BBS4: variants seen among roughly 807,000 people sequenced by gnomAD.
BBS4 encodes the protein BBSome complex member BBS4.
A neutral mutation model predicts 71.4 loss-of-function variants in BBS4; 58 were observed. That is an observed-to-expected ratio of 0.81 (90% confidence interval 0.66 to 1.01). The LOEUF (loss-of-function observed/expected upper bound fraction) is 1.01, where lower values mean the gene tolerates loss of function less well. Among genes scored for constraint, BBS4 ranks in the 50% least tolerant of loss-of-function variants. The pLI, the probability that BBS4 is intolerant of heterozygous loss-of-function variation, is 0.00. For synonymous variants in BBS4, 228 were observed against 216.8 expected, an observed-to-expected ratio of 1.05 and a Z score of -0.46; for missense variants, 660 against 607.9, an observed-to-expected ratio of 1.09 and a Z score of -0.90.
At chr15:72,735,596 G>T in intron 13 of BBS4, 1 of 617,312 alleles carries the variant, frequency 1.6e-6, no homozygotes. Context: ...GGTAGTCTCT[G>T]TTGAGGGCTG....
chr15:72,696,384 C>A (rs745984142), intron 2 of BBS4, among the ~76,000 whole-genome samples: 1 of 152,078 alleles, frequency 6.6e-6, no homozygotes. Flanking sequence ...GTAAAATTCC[C>A]TTTTTTTAGT....
At chr15:72,700,798 A>G (rs2065156595) in intron 2 of BBS4, among the ~76,000 whole-genome samples, 1 of 151,902 alleles carries the variant, frequency 6.6e-6, no homozygotes, top group Non-Finnish European at 1.5e-5. Flanking sequence ...ATTTACTATT[A>G]TTTTTCTTTT....
At chr15:72,694,238 C>CG (rs1448952612) in intron 1 of BBS4, among the ~76,000 whole-genome samples, 2 of 146,728 alleles carry the variant, frequency 1.4e-5, no homozygotes, top group South Asian at 2.2e-4. Context: ...TTGCCCAGGC[C>CG]GGGGGGCGAT....
rs1403453278 is a variant in BBS4, at chr15:72,737,636, C to T, written c.*49C>T. The T allele has an allele frequency of 1.4e-6, 2 of 1,426,452 alleles. No homozygotes were observed. Among genetic ancestry groups the T allele is most frequent in the Non-Finnish European group, 1.9e-6 (2 of 1,034,742 alleles). The allele number at this position is 1,426,452 out of a possible 1,614,324, so 88.4% of individuals were successfully genotyped here. A position where few individuals can be genotyped will look rare whatever the true frequency, so the allele number is the denominator to read the frequency against. ...TAGGGTTTTCTTGGGCGAGGATGTG[C>T]TGGATTAGGAAAGGTGACATGACAC... On this transcript the variant is annotated 3_prime_UTR_variant, in exon 16 of 16. Coordinates refer to ENST00000268057, the MANE Select transcript of BBS4 (RefSeq NM_033028.5).
Position 72,695,227 on chromosome 15 carries a change from A to T in BBS4, c.75A>T (p.Lys25Asn). Residue 25 changes from lysine to asparagine, a missense_variant and splice_region_variant, in exon 2 of 16, where the codon AAA (lysine) becomes AAT (asparagine). Transcript: ENST00000268057. Reference sequence around the variant, plus strand: ...AGTCTCAAAAACCCCGGCAGAAAAAAGGTCTGTATGCAGTTTCATGGTATG... The same window carrying T: ...AGTCTCAAAAACCCCGGCAGAAAAATGGTCTGTATGCAGTTTCATGGTATG... ...STESQKPRQK[K>N]APEFPILEKQ... is the part of the protein sequence containing the mutation. 1 of 1,590,566 alleles carries T rather than the reference A, an allele frequency of 6.3e-7. No individual in the cohort carries two copies. The highest frequency in any genetic ancestry group is 1.1e-5 in the South Asian group (1 of 90,504).
Position 72,735,175 on chromosome 15 carries a change from C to G in BBS4, c.1099C>G (p.Leu367Val), listed in dbSNP as rs1473835828. The G allele has an allele frequency of 6.2e-7, 1 of 1,613,306 alleles. No individual in the cohort carries two copies. Among genetic ancestry groups the G allele is most frequent in the South Asian group, 1.1e-5 (1 of 91,054 alleles). ...AKRAYAEAVH[L>V]DKCNPLVNLN... ...GAGAGCCTACGCAGAAGCAGTCCAC[C>G]TGGATAAGTATGCACTTTGTTGAGA... is the stretch of plus-strand genomic sequence containing the variant. The change falls in exon 13 of 16, where the codon CTG (leucine) becomes GTG (valine). Residue 367 changes from leucine to valine, a missense_variant. Transcript: ENST00000268057.
chr15:72,712,916 T>C (rs1246375387), intron 4 of BBS4, among the ~76,000 whole-genome samples: 1 of 152,154 alleles, frequency 6.6e-6, no homozygotes, highest in Non-Finnish European at 1.5e-5. Context: ...TTTAAAACTT[T>C]TTGGCTCTTT....
intron 2 of BBS4, among the ~76,000 whole-genome samples, chr15:72,700,704 A>G (rs1054072420): frequency 6.6e-6 from 1 of 151,862 alleles, no homozygotes; most frequent in Non-Finnish European, 1.5e-5. Flanking sequence ...TGTGGTAAGT[A>G]TTTCCCCCCA....
chr15:72,703,438 T>C (rs2065211575), intron 2 of BBS4, among the ~76,000 whole-genome samples: 1 of 152,230 alleles, frequency 6.6e-6, no homozygotes, highest in Admixed American at 6.5e-5. Flanking sequence ...GAAAATGTCT[T>C]ACATTTATAT....
chr15:72,688,435 A>G (rs1285085354), intron 1 of BBS4, among the ~76,000 whole-genome samples: 1 of 1,738 alleles, frequency 5.8e-4, no homozygotes, highest in African/African-American at 7.5e-4. Context: ...TTTTTTTGAG[A>G]CGGAGTCTCA....
chr15:72,724,986 G>T (rs776155556), intron 8 of BBS4, among the ~76,000 whole-genome samples: 3 of 151,286 alleles, frequency 2.0e-5, no homozygotes, highest in Non-Finnish European at 2.9e-5. Flanking sequence ...CCACATCCAG[G>T]CTGTGGTGGA....
chr15:72,699,971 G>A (rs533792267), intron 2 of BBS4, among the ~76,000 whole-genome samples: 1 of 152,064 alleles, frequency 6.6e-6, no homozygotes, highest in Non-Finnish European at 1.5e-5. Flanking sequence ...ATGGAGTCTC[G>A]CTTTATTGCC....
intron 3 of BBS4, 26 bp downstream of exon 3, chr15:72,709,805 A>C: frequency 6.3e-7 from 1 of 1,591,478 alleles, no homozygotes; most frequent in Non-Finnish European, 8.6e-7. Context: ...AATAATAAAA[A>C]TGAGAGGCAG....
chr15:72,695,799 C>T (rs2065066623), intron 2 of BBS4, among the ~76,000 whole-genome samples: 1 of 152,166 alleles, frequency 6.6e-6, no homozygotes, highest in African/African-American at 2.4e-5. Flanking sequence ...GGAAAAACCA[C>T]TTTGTGAAGT....
intron 2 of BBS4, among the ~76,000 whole-genome samples, chr15:72,697,192 CA>C (rs1427299592): frequency 6.6e-6 from 1 of 152,112 alleles, no homozygotes. Flanking sequence ...TTTGGCCCCC[CA>C]AAGTACTGGG....
At position 72,737,787 on chromosome 15, in the gene BBS4, C is replaced by T. The variant is rs191015723; in HGVS notation, c.*200C>T. On this transcript the variant is annotated 3_prime_UTR_variant, in exon 16 of 16. Coordinates refer to ENST00000268057, the MANE Select transcript of BBS4 (RefSeq NM_033028.5). ...TGAGGTCGGAAACCCTCTACTGCCC[C>T]ATAAGCCAGGAAAAGTGAAAAGAGA... 371 of 608,182 alleles carry T rather than the reference C, an allele frequency of 6.1e-4. 2 individuals carry two copies. Among genetic ancestry groups the T allele is most frequent in the Non-Finnish European group, 2.2e-4 (73 of 326,348 alleles). The allele number at this position is 608,182 out of a possible 1,614,324, so 37.7% of individuals were successfully genotyped here.
At position 72,731,462 on chromosome 15, in the gene BBS4, G is replaced by C; in HGVS notation, c.864+5G>C. ...GGCAAGAAGAAATATGTGGCGGTGA[G>C]TGTCCCCTCATGTTCTTTGTTTGTA... On this transcript the variant is annotated splice_donor_5th_base_variant and intron_variant, in intron 11 of 15. Coordinates refer to ENST00000268057, the MANE Select transcript of BBS4 (RefSeq NM_033028.5). 6.2e-7 allele frequency: 1 copy of C among 1,614,176 alleles called. No homozygotes were observed. The highest frequency in any genetic ancestry group is 1.3e-5 in the African/African-American group (1 of 75,040).
rs1040478139 is a variant in BBS4 at position 72,737,643 on chromosome 15, A to T, written c.*56A>T. 23 of 1,377,042 alleles carry T rather than the reference A, an allele frequency of 1.7e-5. 1 individual carries two copies. Among genetic ancestry groups the T allele is most frequent in the African/African-American group, 2.9e-5 (2 of 69,564 alleles). The allele number at this position is 1,377,042 out of a possible 1,614,324, so 85.3% of individuals were successfully genotyped here. On this transcript the variant is annotated 3_prime_UTR_variant, in exon 16 of 16. Coordinates refer to ENST00000268057, the MANE Select transcript of BBS4 (RefSeq NM_033028.5). ...TTCTTGGGCGAGGATGTGCTGGATT[A>T]GGAAAGGTGACATGACACAGGCAGA...
intron 1 of BBS4, among the ~76,000 whole-genome samples, chr15:72,688,260 G>C (rs2064910726): frequency 6.6e-6 from 1 of 151,832 alleles, no homozygotes; most frequent in Non-Finnish European, 1.5e-5. Flanking sequence ...CTTTTGTTTC[G>C]ATATGACTTA....
Sources: allele counts gnomAD v4.1 joint callset (sites outside exome capture counted in the v4.1 genomes callset), GRCh38; gene constraint gnomAD v4.1.1; transcripts MANE v1.5; gene names NCBI Gene and HGNC (gene_info 2026-07-23, HGNC 2026-07-21).